The following SDCCAG8 variants were observed in gnomAD, a reference collection of about 807,000 sequenced individuals.
The protein encoded by SDCCAG8 is serologically defined colon cancer antigen 8.
Under a neutral mutation model 101.8 loss-of-function variants are expected in SDCCAG8, and 74 were observed. The ratio of observed to expected loss-of-function variants is 0.73; its 90% confidence interval spans 0.60 to 0.88. The LOEUF (loss-of-function observed/expected upper bound fraction) is 0.88, where lower values mean the gene tolerates loss of function less well. SDCCAG8 is among the 40% of genes least tolerant of loss of function. SDCCAG8 has a pLI of 0.00. For missense variants in SDCCAG8, 787 were observed against 822.6 expected (o/e 0.96, Z 0.53); for synonymous variants, 281 against 292.9 (o/e 0.96, Z 0.41).
chr1:243,347,433 T>C (rs1323294110), intron 12 of SDCCAG8, among the ~76,000 whole-genome samples: 1 of 152,250 alleles, frequency 6.6e-6, no homozygotes, highest in African/African-American at 2.4e-5. Flanking sequence ...AGTATGTTTT[T>C]GTATGTCCAA....
At chr1:243,421,926 C>A (rs2081035630) in intron 15 of SDCCAG8, among the ~76,000 whole-genome samples, 1 of 152,154 alleles carries the variant, frequency 6.6e-6, no homozygotes, top group Admixed American at 6.6e-5. Context: ...TCTCTCCCCA[C>A]GCGCTTAGAT....
chr1:243,342,244 G>A (rs1309125374), intron 11 of SDCCAG8, among the ~76,000 whole-genome samples: 1 of 152,142 alleles, frequency 6.6e-6, no homozygotes, highest in Non-Finnish European at 1.5e-5. Context: ...TAATAGAGAG[G>A]CAGCTTTCTG....
chr1:243,349,067 C>G (rs1214238372), intron 12 of SDCCAG8, among the ~76,000 whole-genome samples: 1 of 151,854 alleles, frequency 6.6e-6, no homozygotes, highest in Non-Finnish European at 1.5e-5. Flanking sequence ...AGACATTGAC[C>G]ACAGAGTATT....
intron 12 of SDCCAG8, among the ~76,000 whole-genome samples, chr1:243,348,079 A>G (rs1359114660): frequency 9.0e-5 from 11 of 121,998 alleles, no homozygotes; most frequent in African/African-American, 3.6e-4. Flanking sequence ...TCTGTCGCCC[A>G]GGCTGGAGTG....
At chr1:243,432,706 A>G (rs369147900) in intron 16 of SDCCAG8, among the ~76,000 whole-genome samples, 30 of 152,292 alleles carry the variant, frequency 2.0e-4, no homozygotes, top group African/African-American at 7.2e-4. Context: ...TTTGGTGTGA[A>G]GACGTTATTA....
chr1:243,329,940 T>G (rs2074468429), intron 9 of SDCCAG8, among the ~76,000 whole-genome samples: 1 of 152,290 alleles, frequency 6.6e-6, no homozygotes, highest in East Asian at 1.9e-4. Context: ...CTGTCTTGAG[T>G]CTTTCCATTT....
chr1:243,339,198 A>G (rs1008078654), intron 10 of SDCCAG8, among the ~76,000 whole-genome samples: 1 of 152,174 alleles, frequency 6.6e-6, no homozygotes, highest in Non-Finnish European at 1.5e-5. Flanking sequence ...GAGATTTGTG[A>G]CATGCCTTAG....
At chr1:243,499,648 C>T (rs1277131232) in intron 17 of SDCCAG8, 108 bp from the exon 18 acceptor site, 1 of 910,852 alleles carries the variant, frequency 1.1e-6, no homozygotes, top group South Asian at 1.4e-5. Flanking sequence ...AGGTTTTTTT[C>T]TCCAACAACA....
chr1:243,382,721 GA>G (rs1296794750), intron 13 of SDCCAG8, among the ~76,000 whole-genome samples: 1 of 152,218 alleles, frequency 6.6e-6, no homozygotes, highest in Non-Finnish European at 1.5e-5. Flanking sequence ...GGGTTGAGAA[GA>G]GATGACTGGC....
intron 9 of SDCCAG8, among the ~76,000 whole-genome samples, chr1:243,325,247 C>T (rs1307193722): frequency 6.6e-6 from 1 of 152,066 alleles, no homozygotes; most frequent in Non-Finnish European, 1.5e-5. Context: ...AATTTAATAA[C>T]TGAGAGCAAG....
chr1:243,453,973 A>G (rs1030019368), intron 16 of SDCCAG8, among the ~76,000 whole-genome samples: 1 of 152,194 alleles, frequency 6.6e-6, no homozygotes, highest in Non-Finnish European at 1.5e-5. Context: ...ATAAACTCAG[A>G]TTAGTAGTAA....
chr1:243,440,332 A>G (rs1288531152), intron 16 of SDCCAG8, among the ~76,000 whole-genome samples: 1 of 152,210 alleles, frequency 6.6e-6, no homozygotes, highest in Non-Finnish European at 1.5e-5. Flanking sequence ...AAGGAAAAGA[A>G]AAACATTAAC....
At position 243,349,832 on chromosome 1, in the gene SDCCAG8, CT is replaced by C. The variant is rs563873668; in HGVS notation, c.1473+5514del. ...GAAGGCTGATATAGAAAGCGTCTTT[CT>C]TTTTTTTTTTTTACCGGCATTGTAT... On this transcript the variant is annotated intron_variant, in intron 12 of 17. Coordinates refer to ENST00000366541, the MANE Select transcript of SDCCAG8 (RefSeq NM_006642.5). 4.6e-3 allele frequency among the ~76,000 whole-genome samples: 641 copies of C among 140,312 alleles called. 1 individual carries two copies. The highest frequency in any genetic ancestry group is 0.011 in the Middle Eastern group (3 of 272). 92.1% of individuals were successfully genotyped at this position (140,312 alleles called of 152,430 possible). A position where few individuals can be genotyped will look rare whatever the true frequency, so the allele number is the denominator to read the frequency against.
chr1:243,261,333 A>C (rs1449325517), intron 1 of SDCCAG8, among the ~76,000 whole-genome samples: 1 of 149,720 alleles, frequency 6.7e-6, no homozygotes, highest in Non-Finnish European at 1.5e-5. Flanking sequence ...GGACCAGATG[A>C]ATGATTAAGG....
At chr1:243,402,529 G>A (rs908669112) in intron 13 of SDCCAG8, among the ~76,000 whole-genome samples, 3 of 151,806 alleles carry the variant, frequency 2.0e-5, no homozygotes, top group Non-Finnish European at 2.9e-5. Flanking sequence ...TATTAATGAC[G>A]TATTTTAAAT....
At chr1:243,451,523 C>G (rs1574118194) in intron 16 of SDCCAG8, among the ~76,000 whole-genome samples, 1 of 152,302 alleles carries the variant, frequency 6.6e-6, no homozygotes, top group African/African-American at 2.4e-5. Flanking sequence ...GCAGAACCAT[C>G]CAGTTCTGCC....
rs148604305 is a variant in SDCCAG8 at position 243,303,305 on chromosome 1, T to C, written c.676-1408T>C. 1.4e-3 allele frequency among the ~76,000 whole-genome samples: 217 copies of C among 152,314 alleles called. 1 individual carries two copies. The highest frequency in any genetic ancestry group is 5.0e-3 in the African/African-American group (207 of 41,562). On this transcript the variant is annotated intron_variant, in intron 6 of 17. Transcript: ENST00000366541. ...TTATGACGTGGACCCTTCTATAATA[T>C]AGGCACTGAAACTAAAGCAAATGGA...
chr1:243,462,021 A>G (rs1047967762), intron 16 of SDCCAG8, among the ~76,000 whole-genome samples: 5 of 152,222 alleles, frequency 3.3e-5, no homozygotes, highest in Admixed American at 3.3e-4. Context: ...GAAACACAAC[A>G]TCTTTGGAAT....
intron 1 of SDCCAG8, among the ~76,000 whole-genome samples, chr1:243,257,804 T>G (rs2149243680): frequency 6.6e-6 from 1 of 152,346 alleles, no homozygotes; most frequent in South Asian, 2.1e-4. Context: ...TTCTAACTTT[T>G]CATTTGGAAG....
Sources: gnomAD v4.1 joint callset for allele counts (sites outside exome capture counted in the v4.1 genomes callset) on GRCh38, gnomAD v4.1.1 for gene constraint, MANE v1.5 for transcripts, NCBI Gene and HGNC (gene_info 2026-07-23, HGNC 2026-07-21) for gene names.